Variants in CFAP97D2 observed in about 807,000 individuals in gnomAD.
CFAP97D2 encodes CFAP97 domain containing 2, also known as uncharacterized protein CFAP97D2.
Position 114,179,842 on chromosome 13 carries a change from G to A in CFAP97D2, c.90+422G>A, listed in dbSNP as rs1383934621. 6.6e-5 allele frequency among the ~76,000 whole-genome samples: 10 copies of A among 151,982 alleles called. No homozygotes were observed. The highest frequency in any genetic ancestry group is 5.2e-4 in the Admixed American group (8 of 15,264). ...TTTTTGAGAGGGATGTTGCCATAGG[G>A]GTGTTGCCATGTTGGTCAGGCTAGT... On this transcript the variant is annotated intron_variant, in intron 1 of 4. Transcript: ENST00000646158. This position sits in a 1 kb window ranked among gnomAD's most constrained non-coding sequence, Gnocchi z 4.8.
At chr13:114,183,490 C>A (rs2080844655) in intron 1 of CFAP97D2, among the ~76,000 whole-genome samples, 2 of 152,044 alleles carry the variant, frequency 1.3e-5, no homozygotes, top group Non-Finnish European at 2.9e-5. Context: ...TTATAAACAA[C>A]AGAATTCACT....
intron 4 of CFAP97D2, among the ~76,000 whole-genome samples, chr13:114,219,877 C>T (rs1167565381): frequency 1.3e-5 from 2 of 152,034 alleles, no homozygotes; most frequent in Admixed American, 1.3e-4. Context: ...AGGAAGGAGG[C>T]GATGGGCCCA....
At chr13:114,205,989 G>A (rs990154686) in intron 3 of CFAP97D2, among the ~76,000 whole-genome samples, 2 of 152,184 alleles carry the variant, frequency 1.3e-5, no homozygotes, top group Non-Finnish European at 2.9e-5. Flanking sequence ...TGTGTGCCTG[G>A]CTGCAGCCTC....
chr13:114,222,427 C>T lies in CFAP97D2; in HGVS notation c.481-71C>T, dbSNP rs2081025700. On this transcript the variant is annotated intron_variant, in intron 4 of 4. Coordinates refer to ENST00000646158, the Ensembl canonical transcript of CFAP97D2. This position sits in a 1 kb window ranked among gnomAD's most constrained non-coding sequence, Gnocchi z 4.4. Reference sequence around the variant, plus strand: ...GTCAATGAGTTGAAATATTCCATTTCCCAAGTAAGTTGATAGTTTCTTGTT... The same window carrying T: ...GTCAATGAGTTGAAATATTCCATTTTCCAAGTAAGTTGATAGTTTCTTGTT... 7.5e-6 allele frequency: 3 copies of T among 398,280 alleles called. No homozygotes were observed. The highest frequency in any genetic ancestry group is 1.3e-5 in the Non-Finnish European group (3 of 226,028). The allele number at this position is 398,280 out of a possible 1,614,324, so 24.7% of individuals were successfully genotyped here. A position where few individuals can be genotyped will look rare whatever the true frequency, so the allele number is the denominator to read the frequency against.
Position 114,207,843 on chromosome 13 carries a change from G to A in CFAP97D2, c.291-4069G>A, listed in dbSNP as rs1224230538. 6.6e-6 allele frequency among the ~76,000 whole-genome samples: 1 copy of A among 152,196 alleles called. No individual in the cohort carries two copies. Among genetic ancestry groups the A allele is most frequent in the African/African-American group, 2.4e-5 (1 of 41,448 alleles). The stretch of plus-strand genomic sequence containing the variant: ...TTTTTCCCTAGAGAGGCTATGTGGT[G>A]GCTTTTAATCCCATTTTGGCTCTAC... On this transcript the variant is annotated intron_variant, in intron 3 of 4. Coordinates refer to ENST00000646158, the Ensembl canonical transcript of CFAP97D2. This position sits in a 1 kb window ranked among gnomAD's most constrained non-coding sequence, Gnocchi z 4.9.
intron 1 of CFAP97D2, among the ~76,000 whole-genome samples, chr13:114,188,021 G>A (rs1039844962): frequency 1.1e-4 from 16 of 152,050 alleles, no homozygotes; most frequent in Admixed American, 3.9e-4. Context: ...GCTCACGCCT[G>A]TAATCCCAAC....
rs148459460 is a variant in CFAP97D2, at chr13:114,185,656, C to T, written c.90+6236C>T. Among the ~76,000 whole-genome samples the T allele has an allele frequency of 5.9e-4, 90 of 152,350 alleles. No individual in the cohort carries two copies. Among genetic ancestry groups the T allele is most frequent in the East Asian group, 9.6e-4 (5 of 5,182 alleles). The stretch of plus-strand genomic sequence containing the variant: ...TTCTCCCCACTGTTGGCACCAGCTC[C>T]GATCTTGGAGAAAAGTTGGGGCCAA... On this transcript the variant is annotated intron_variant, in intron 1 of 4. Transcript: ENST00000646158. This position sits in a 1 kb window ranked among gnomAD's most constrained non-coding sequence, Gnocchi z 5.2.
intron 1 of CFAP97D2, among the ~76,000 whole-genome samples, chr13:114,180,391 C>T (rs747523056): frequency 3.9e-5 from 6 of 152,156 alleles, no homozygotes; most frequent in Non-Finnish European, 4.4e-5. Context: ...CCCCACCCCA[C>T]GTCAGGCCTC....
intron 3 of CFAP97D2, among the ~76,000 whole-genome samples, chr13:114,205,650 A>G (rs1594519436): frequency 6.6e-6 from 1 of 152,072 alleles, no homozygotes; most frequent in South Asian, 2.1e-4. Flanking sequence ...GACAATGGCA[A>G]TCTTCTCTCT....
At chr13:114,196,627 GTGAGGGAGC>G (rs1479812224) in intron 2 of CFAP97D2, among the ~76,000 whole-genome samples, 151 bp downstream of exon 2, 2 of 152,218 alleles carry the variant, frequency 1.3e-5, no homozygotes, top group Non-Finnish European at 2.9e-5. Flanking sequence ...CCGTCTGTCC[GTGAGGGAGC>G]TGGTTGATAA....
chr13:114,183,543 A>C (rs2080844759), intron 1 of CFAP97D2, among the ~76,000 whole-genome samples: 1 of 152,176 alleles, frequency 6.6e-6, no homozygotes, highest in African/African-American at 2.4e-5. Context: ...TTAAGGCACC[A>C]GCAGATTTGG....
intron 2 of CFAP97D2, among the ~76,000 whole-genome samples, chr13:114,198,261 A>T (rs2080896101): frequency 6.6e-6 from 1 of 152,194 alleles, no homozygotes; most frequent in Non-Finnish European, 1.5e-5. Flanking sequence ...TTGCATGGTT[A>T]TCTCGAAGTA....
chr13:114,195,319 AGT>A (rs1566612898), intron 1 of CFAP97D2, among the ~76,000 whole-genome samples: 1 of 152,150 alleles, frequency 6.6e-6, no homozygotes, highest in Non-Finnish European at 1.5e-5. Flanking sequence ...GCAGCTCCTA[AGT>A]GTGCTCTGTG....
intron 3 of CFAP97D2, among the ~76,000 whole-genome samples, chr13:114,204,598 C>T (rs1285139296): frequency 6.6e-6 from 1 of 152,146 alleles, no homozygotes; most frequent in East Asian, 1.9e-4. Context: ...ATAGTCTTTC[C>T]ACAAATGCTG....
In CFAP97D2 at chr13:114,189,717, AT is replaced by A. The variant is rs2080862843; in HGVS notation, c.91-6678del. Reference sequence around the variant, plus strand: ...ACATCAATGGGCTAAAAAAAGAAAAATCACATGATCATATCAGTAGATGCAG... The same window carrying A: ...ACATCAATGGGCTAAAAAAAGAAAAACACATGATCATATCAGTAGATGCAG... On this transcript the variant is annotated intron_variant, in intron 1 of 4. Transcript: ENST00000646158. The surrounding 1 kb of genome is among the most constrained non-coding windows in gnomAD (Gnocchi z 4.5). Among the ~76,000 whole-genome samples the A allele has an allele frequency of 6.8e-6, 1 of 147,036 alleles. No homozygotes were observed. The highest frequency in any genetic ancestry group is 1.5e-5 in the Non-Finnish European group (1 of 65,230).
chr13:114,202,381 C>T (rs1034092201), intron 3 of CFAP97D2, among the ~76,000 whole-genome samples: 1 of 152,194 alleles, frequency 6.6e-6, no homozygotes, highest in Admixed American at 6.5e-5. Context: ...GGAGCTCTCT[C>T]AACCCACTCC....
chr13:114,182,444 A>G lies in CFAP97D2; in HGVS notation c.90+3024A>G, dbSNP rs58057018. The stretch of plus-strand genomic sequence containing the variant: ...AGTGGCCTTCCTCTATCTCAACTGC[A>G]AGAGGCCTTCCTCTTTTACTAATCC... On this transcript the variant is annotated intron_variant, in intron 1 of 4. Transcript: ENST00000646158. Among the ~76,000 whole-genome samples the G allele has an allele frequency of 2.6e-4, 39 of 151,948 alleles. 1 individual carries two copies. Among genetic ancestry groups the G allele is most frequent in the Admixed American group, 3.3e-4 (5 of 15,260 alleles).
At chr13:114,182,764 G>A (rs1391860690) in intron 1 of CFAP97D2, among the ~76,000 whole-genome samples, 1 of 152,208 alleles carries the variant, frequency 6.6e-6, no homozygotes, top group Non-Finnish European at 1.5e-5. Flanking sequence ...GTTTTTATGA[G>A]CTCCAGATTG....
chr13:114,190,058 C>A (rs9525297), intron 1 of CFAP97D2, among the ~76,000 whole-genome samples: 2 of 152,040 alleles, frequency 1.3e-5, no homozygotes, highest in Non-Finnish European at 2.9e-5. Flanking sequence ...GGGAGGATCA[C>A]TTGAGCTCAG....
Sources: gnomAD v4.1 joint callset for allele counts (sites outside exome capture counted in the v4.1 genomes callset) on GRCh38, gnomAD v4.1.1 for gene constraint, Gnocchi (gnomAD v3.1) non-coding constraint, MANE v1.5 for transcripts, NCBI Gene and HGNC (gene_info 2026-07-23, HGNC 2026-07-21) for gene names.